HPSE2: variants seen among roughly 807,000 people sequenced by gnomAD.
The protein encoded by HPSE2 is heparanase 2 (inactive).
A neutral mutation model predicts 60.5 loss-of-function variants in HPSE2; 38 were observed. That is an observed-to-expected ratio of 0.63 (90% CI 0.48 to 0.82). The LOEUF (loss-of-function observed/expected upper bound fraction) is 0.82, where lower values mean the gene tolerates loss of function less well. Among genes scored for constraint, HPSE2 ranks in the 40% least tolerant of loss-of-function variants. The pLI is 0.00. For missense variants in HPSE2, 713 were observed against 740.4 expected (o/e 0.96, Z 0.43); for synonymous variants, 295 against 293.2 (o/e 1.01, Z -0.06).
At chr10:98,960,701 CTTTTT>C in intron 3 of HPSE2, among the ~76,000 whole-genome samples, 9 of 57,568 alleles carry the variant, frequency 1.6e-4, no homozygotes, top group South Asian at 1.2e-3. Context: ...ATGTACATTT[CTTTTT>C]TTTTTTTTTT....
At chr10:98,809,951 C>T (rs927990450) in intron 3 of HPSE2, among the ~76,000 whole-genome samples, 3 of 152,038 alleles carry the variant, frequency 2.0e-5, no homozygotes, top group Admixed American at 6.6e-5. Flanking sequence ...AAACAGATGG[C>T]GGAAAACCAT....
chr10:98,603,899 G>A (rs1945504443), intron 9 of HPSE2, among the ~76,000 whole-genome samples: 1 of 152,024 alleles, frequency 6.6e-6, no homozygotes, highest in South Asian at 2.1e-4. Flanking sequence ...GCCCACTCTA[G>A]CCATCCTGTT....
At chr10:98,773,957 G>A (rs2134429098) in intron 3 of HPSE2, among the ~76,000 whole-genome samples, 1 of 152,216 alleles carries the variant, frequency 6.6e-6, no homozygotes, top group Non-Finnish European at 1.5e-5. Flanking sequence ...CTGGGGGGCT[G>A]AGGTGGGAGG....
intron 9 of HPSE2, among the ~76,000 whole-genome samples, chr10:98,558,827 A>C (rs2133868700): frequency 6.6e-6 from 1 of 152,314 alleles, no homozygotes; most frequent in South Asian, 2.1e-4. Flanking sequence ...TTCACCAAAA[A>C]ATACATATTT....
chr10:98,840,684 G>C (rs1177733240), intron 3 of HPSE2, among the ~76,000 whole-genome samples: 2 of 152,082 alleles, frequency 1.3e-5, no homozygotes, highest in Non-Finnish European at 2.9e-5. Context: ...AGCGTCATCA[G>C]CTGAAACATG....
chr10:99,019,557 C>T (rs187474885), intron 3 of HPSE2, among the ~76,000 whole-genome samples: 2 of 152,228 alleles, frequency 1.3e-5, no homozygotes, highest in East Asian at 3.9e-4. Context: ...CATGTATATA[C>T]CTTCAGGCTT....
rs956688747 is a variant in HPSE2 at position 99,086,554 on chromosome 10, G to A, written c.610+57684C>T. Among the ~76,000 whole-genome samples, 14 of 151,100 alleles carry A rather than the reference G, an allele frequency of 9.3e-5. No homozygotes were observed. The East Asian group carries it at 1.2e-3, about 13-fold the overall frequency. On this transcript the variant is annotated intron_variant, in intron 3 of 11. Coordinates refer to ENST00000370552, the MANE Select transcript of HPSE2 (RefSeq NM_021828.5). Reference sequence around the variant, plus strand: ...TTTTTAGTAGAGACGGGGTTTCACCGTTTTAGCTGGGATGGTCTCGATCTC... The same window carrying A: ...TTTTTAGTAGAGACGGGGTTTCACCATTTTAGCTGGGATGGTCTCGATCTC...
intron 3 of HPSE2, among the ~76,000 whole-genome samples, chr10:98,774,657 T>C (rs1282920231): frequency 6.6e-6 from 1 of 152,176 alleles, no homozygotes; most frequent in Non-Finnish European, 1.5e-5. Flanking sequence ...GCAGGGCAGA[T>C]GCTGCAGTTT....
intron 4 of HPSE2, among the ~76,000 whole-genome samples, chr10:98,725,277 G>A (rs1949041908): frequency 6.6e-6 from 1 of 152,090 alleles, no homozygotes. Flanking sequence ...CATGGTACTG[G>A]TACCAAAACA....
At chr10:99,047,570 T>C (rs1957884884) in intron 3 of HPSE2, 2 of 550,102 alleles carry the variant, frequency 3.6e-6, no homozygotes, top group Non-Finnish European at 6.4e-6. Flanking sequence ...ACTTTGCATA[T>C]GCCAAGGTCT....
chr10:98,893,211 G>A (rs899723721), intron 3 of HPSE2, among the ~76,000 whole-genome samples: 3 of 152,048 alleles, frequency 2.0e-5, no homozygotes, highest in Non-Finnish European at 4.4e-5. Flanking sequence ...GGGATTACAG[G>A]CATGCACTAC....
intron 3 of HPSE2, among the ~76,000 whole-genome samples, chr10:98,757,406 A>C (rs1949902802): frequency 6.6e-6 from 1 of 152,114 alleles, no homozygotes; most frequent in Admixed American, 6.6e-5. Flanking sequence ...CTCTTCACAG[A>C]CAATATGATT....
chr10:99,087,022 C>G (rs1843345451), intron 3 of HPSE2, among the ~76,000 whole-genome samples: 1 of 152,284 alleles, frequency 6.6e-6, no homozygotes, highest in Non-Finnish European at 1.5e-5. Context: ...TTGGGTTTCT[C>G]CATATTATTC....
At chr10:98,473,033 G>T (rs74634749) in intron 11 of HPSE2, among the ~76,000 whole-genome samples, 3,990 of 152,256 alleles carry the variant, frequency 0.026, 179 homozygotes, top group African/African-American at 0.09. Flanking sequence ...AATGCTCAAA[G>T]AATAGAAATT....
intron 11 of HPSE2, chr10:98,461,890 G>A: frequency 9.1e-7 from 1 of 1,095,606 alleles, no homozygotes. Context: ...TAGTTGTCCT[G>A]GAACAGGCCC....
intron 3 of HPSE2, among the ~76,000 whole-genome samples, chr10:98,761,681 C>T (rs1950006668): frequency 6.6e-6 from 1 of 152,128 alleles, no homozygotes; most frequent in Non-Finnish European, 1.5e-5. Flanking sequence ...ACTAAAATCT[C>T]TGGACAGAAT....
At chr10:98,834,491 A>G (rs1051734015) in intron 3 of HPSE2, among the ~76,000 whole-genome samples, 3 of 152,180 alleles carry the variant, frequency 2.0e-5, no homozygotes, top group Non-Finnish European at 4.4e-5. Context: ...AAGAACTGAT[A>G]GAATATCACC....
At chr10:98,584,452 C>T (rs10786445) in intron 9 of HPSE2, among the ~76,000 whole-genome samples, 84,229 of 151,932 alleles carry the variant, frequency 0.55, 23,575 homozygotes, top group Admixed American at 0.6. Context: ...CAGAAAACTC[C>T]TGGTCAGGAA....
chr10:99,014,728 G>C (rs977667802), intron 3 of HPSE2, among the ~76,000 whole-genome samples: 2 of 152,122 alleles, frequency 1.3e-5, no homozygotes, highest in African/African-American at 4.8e-5. Context: ...CTTCACGACT[G>C]TCGGTTGCAT....
Sources: allele counts gnomAD v4.1 joint callset (sites outside exome capture counted in the v4.1 genomes callset), GRCh38; gene constraint gnomAD v4.1.1; transcripts MANE v1.5; gene names NCBI Gene and HGNC (gene_info 2026-07-23, HGNC 2026-07-21).